The following ZEB2 variants were observed in gnomAD, a reference collection of about 807,000 sequenced individuals.
The protein encoded by ZEB2 is zinc finger E-box binding homeobox 2.
In ZEB2, 6 loss-of-function variants were observed where a neutral mutation model predicts 99.9. That is an observed-to-expected ratio of 0.06 (90% CI 0.03 to 0.12). The LOEUF (loss-of-function observed/expected upper bound fraction) is 0.12, where lower values mean the gene tolerates loss of function less well. ZEB2 is among the 10% of genes least tolerant of loss of function. The probability of loss-of-function intolerance (pLI) is 1.00; values close to 1 mark genes in which losing one functional copy is unlikely to be tolerated. For missense variants in ZEB2, 969 were observed against 1,502.8 expected (o/e 0.64, Z 5.87); for synonymous variants, 517 against 542.5 (o/e 0.95, Z 0.65).
At chr2:144,406,054 G>C (rs1412512492) in intron 4 of ZEB2, among the ~76,000 whole-genome samples, 11 of 152,146 alleles carry the variant, frequency 7.2e-5, no homozygotes, top group Admixed American at 7.2e-4. Flanking sequence ...AGTTAACCTT[G>C]GTGCCACGAG....
chr2:144,487,582 T>A (rs146776771), intron 2 of ZEB2, among the ~76,000 whole-genome samples: 2 of 152,348 alleles, frequency 1.3e-5, no homozygotes, highest in Non-Finnish European at 2.9e-5. Context: ...AGTTATCTAT[T>A]TAACTTTACA....
At chr2:144,485,065 C>T (rs1048580225) in intron 2 of ZEB2, among the ~76,000 whole-genome samples, 2 of 152,130 alleles carry the variant, frequency 1.3e-5, no homozygotes, top group African/African-American at 4.8e-5. Flanking sequence ...CTTGGGGCCA[C>T]AATATCAAAA....
At chr2:144,513,508 G>A (rs1219780589) in intron 2 of ZEB2, 4 of 1,525,846 alleles carry the variant, frequency 2.6e-6, no homozygotes, top group South Asian at 1.2e-5. Context: ...TTCTTTAAAA[G>A]ACAACTTCAT....
rs780017365 is a variant in ZEB2, at chr2:144,404,865, G to A, written c.563C>T (p.Thr188Met). The change falls in exon 5 of 10, where the codon ACG (threonine) becomes ATG (methionine). Residue 188 changes from threonine to methionine, a missense_variant. By Grantham distance (81) the Thr-to-Met change is moderately conservative. Coordinates refer to ENST00000627532, the MANE Select transcript of ZEB2 (RefSeq NM_014795.4). Reference protein sequence around the residue: ...EAPEELSRLGTPEANGQEEND... With the variant: ...EAPEELSRLGMPEANGQEEND... ...TTCTTCTTGCCCATTGGCCTCTGGC[G>A]TGCCAAGGCGAGACAGCTCCTCAGG... The A allele has an allele frequency of 5.6e-6, 9 of 1,614,032 alleles. No individual in the cohort carries two copies. The highest frequency in any genetic ancestry group is 3.3e-5 in the South Asian group (3 of 91,064).
chr2:144,401,257 C>T lies in ZEB2; in HGVS notation c.858G>A (p.Glu286=). The T allele has an allele frequency of 2.5e-6, 4 of 1,614,164 alleles. No homozygotes were observed. The highest frequency in any genetic ancestry group is 3.4e-6 in the Non-Finnish European group (4 of 1,179,990). The change falls in exon 7 of 10, where the codon GAG becomes GAA. Residue 286 remains glutamate (E), a synonymous_variant. Coordinates refer to ENST00000627532, the MANE Select transcript of ZEB2 (RefSeq NM_014795.4). ...GTTTATATTTGAAGGCCTTGCCACA[C>T]TCTGTGCATTTGAACTTGCGATTAC... is the stretch of plus-strand genomic sequence containing the variant. ...GAGNRKFKCT[E]CGKAFKYKHH...
chr2:144,492,017 C>T (rs1405087504), intron 2 of ZEB2, among the ~76,000 whole-genome samples: 5 of 152,132 alleles, frequency 3.3e-5, no homozygotes, highest in Admixed American at 2.6e-4. Context: ...GTGTGGCAAA[C>T]GTATAGTCAA....
intron 2 of ZEB2, among the ~76,000 whole-genome samples, chr2:144,508,664 AG>A (rs1181079855): frequency 6.6e-6 from 1 of 151,932 alleles, no homozygotes; most frequent in Non-Finnish European, 1.5e-5. Context: ...GGCCAGCCTG[AG>A]GCCCTGACTC....
chr2:144,475,895 C>T (rs78786854), intron 2 of ZEB2, among the ~76,000 whole-genome samples: 3,361 of 152,234 alleles, frequency 0.022, 55 homozygotes, highest in Admixed American at 0.033. Context: ...AACTCGCTTT[C>T]TCAAAAACAA....
intron 2 of ZEB2, chr2:144,512,542 C>CTTTA: frequency 7.8e-7 from 1 of 1,287,158 alleles, no homozygotes; most frequent in Non-Finnish European, 1.0e-6. Flanking sequence ...GAGCAGGGAA[C>CTTTA]TTTAATCTTG....
At chr2:144,413,186 A>G (rs989400003) in intron 4 of ZEB2, among the ~76,000 whole-genome samples, 1 of 152,206 alleles carries the variant, frequency 6.6e-6, no homozygotes, top group African/African-American at 2.4e-5. Flanking sequence ...AACTCAAAAC[A>G]ACACAGCTTT....
intron 2 of ZEB2, among the ~76,000 whole-genome samples, chr2:144,447,370 T>C (rs1290717973): frequency 6.6e-6 from 1 of 152,226 alleles, no homozygotes; most frequent in South Asian, 2.1e-4. Flanking sequence ...CCATAAAATG[T>C]ATTATGATAT....
chr2:144,492,069 G>A (rs907624365), intron 2 of ZEB2, among the ~76,000 whole-genome samples: 5 of 152,120 alleles, frequency 3.3e-5, no homozygotes, highest in Non-Finnish European at 7.4e-5. Context: ...TCAAAGGATC[G>A]GGGGAGAAGA....
At position 144,499,408 on chromosome 2, in the gene ZEB2, A is replaced by G. The variant is rs146813681; in HGVS notation, c.73+17870T>C. Among the ~76,000 whole-genome samples the G allele has an allele frequency of 2.7e-3, 417 of 152,350 alleles. 1 individual carries two copies. Among genetic ancestry groups the G allele is most frequent in the Non-Finnish European group, 4.9e-3 (336 of 68,030 alleles). On this transcript the variant is annotated intron_variant, in intron 2 of 9. Transcript: ENST00000627532. ...ATAATTTTTAACCAGTATCTAATCT[A>G]TAGAATCCACTCATTTGCCAATAGA...
chr2:144,491,015 C>A (rs765194308), intron 2 of ZEB2, among the ~76,000 whole-genome samples: 2 of 152,214 alleles, frequency 1.3e-5, no homozygotes, highest in Non-Finnish European at 2.9e-5. Flanking sequence ...TGTCAGTGAT[C>A]CGTGCGTTGA....
At chr2:144,517,560 C>G (rs1023563375) in intron 1 of ZEB2, 141 bp from the exon 2 acceptor site, 3 of 667,770 alleles carry the variant, frequency 4.5e-6, no homozygotes, top group Non-Finnish European at 5.4e-6. Context: ...CGGCGGCCCC[C>G]TCCCCGCCCC....
chr2:144,512,162 T>C (rs1402636273), intron 2 of ZEB2: 3 of 1,287,218 alleles, frequency 2.3e-6, no homozygotes, highest in Non-Finnish European at 3.0e-6. Flanking sequence ...CAATCAATTG[T>C]CTGTGAGCAT....
chr2:144,448,488 T>A (rs1704014743), intron 2 of ZEB2, among the ~76,000 whole-genome samples: 1 of 152,170 alleles, frequency 6.6e-6, no homozygotes, highest in Non-Finnish European at 1.5e-5. Context: ...AAATGCAACA[T>A]CTCTCTGAAC....
At chr2:144,405,656 A>G (rs1414305706) in intron 4 of ZEB2, among the ~76,000 whole-genome samples, 1 of 152,084 alleles carries the variant, frequency 6.6e-6, no homozygotes, top group African/African-American at 2.4e-5. Flanking sequence ...TTTCCCTATA[A>G]TTTTAATCTT....
In ZEB2 at chr2:144,441,734, C is replaced by G. The variant is rs1468803287; in HGVS notation, c.74-11708G>C. ...AAGCCACCTTTTTCTCTGTTAGCTT[C>G]TTTTTACTCATCAAGATTATCTGTT... On this transcript the variant is annotated intron_variant, in intron 2 of 9. Transcript: ENST00000627532. Among the ~76,000 whole-genome samples the G allele has an allele frequency of 3.9e-5, 6 of 152,100 alleles. No individual in the cohort carries two copies. In the East Asian group the frequency reaches 1.2e-3, roughly 29 times the overall value.
Sources: gnomAD v4.1 joint callset for allele counts (sites outside exome capture counted in the v4.1 genomes callset) on GRCh38, gnomAD v4.1.1 for gene constraint, MANE v1.5 for transcripts, NCBI Gene and HGNC (gene_info 2026-07-23, HGNC 2026-07-21) for gene names.